Variants in SPART observed in about 807,000 individuals in gnomAD.
The protein encoded by SPART is spartin, also known as spastic paraplegia 20 (Troyer syndrome).
In SPART, 35 loss-of-function variants were observed where a neutral mutation model predicts 58.7. That is an observed-to-expected ratio of 0.60 (90% CI 0.46 to 0.79). The LOEUF (loss-of-function observed/expected upper bound fraction) is 0.79. SPART is among the 30% of genes least tolerant of loss of function. The pLI is 0.00. For synonymous variants in SPART, 284 were observed against 280.7 expected, an observed-to-expected ratio of 1.01 and a Z score of -0.12; for missense variants, 730 against 786.1, an observed-to-expected ratio of 0.93 and a Z score of 0.85.
At chr13:36,325,556 A>T (rs1882849191) in intron 5 of SPART, among the ~76,000 whole-genome samples, 1 of 152,212 alleles carries the variant, frequency 6.6e-6, no homozygotes, top group African/African-American at 2.4e-5. Context: ...TGGGGTTATG[A>T]ATTTGACACA....
chr13:36,367,694 G>A lies in SPART; in HGVS notation c.-3+2395C>T, dbSNP rs1214329160. Among the ~76,000 whole-genome samples, 6 of 152,196 alleles carry A rather than the reference G, an allele frequency of 3.9e-5. 1 individual carries two copies. The highest frequency in any genetic ancestry group is 7.2e-5 in the African/African-American group (3 of 41,460). On this transcript the variant is annotated intron_variant, in intron 1 of 8. Coordinates refer to the SPART transcript ENST00000355182. ...ACAGAAGATCTGAAGTAAACAGGGA[G>A]GTAGATGGCAGTGTATTCCCGGTCT...
Position 36,335,765 on chromosome 13 carries a change from C to G in SPART, c.66G>C (p.Lys22Asn). The G allele has an allele frequency of 1.2e-6, 2 of 1,613,928 alleles. No homozygotes were observed. Among genetic ancestry groups the G allele is most frequent in the Non-Finnish European group, 1.7e-6 (2 of 1,180,008 alleles). Residue 22 changes from lysine (K) to asparagine (N), a missense_variant, in exon 2 of 9, where the codon AAG (lysine) becomes AAC (asparagine). By Grantham distance (94) the Lys-to-Asn change is moderately conservative (BLOSUM62 0). Coordinates refer to ENST00000438666, the MANE Select transcript of SPART (RefSeq NM_015087.5). ...GACCTTTGTTAACAAATAAAAAGGC[C>G]TTCTTATATGCTTCTCTGATGATCT... Reference protein sequence around the residue: ...EIKIIREAYKKAFLFVNKGLN... With the variant: ...EIKIIREAYKNAFLFVNKGLN...
intron 1 of SPART, among the ~76,000 whole-genome samples, chr13:36,345,032 A>C (rs1448106972): frequency 6.6e-6 from 1 of 152,246 alleles, no homozygotes; most frequent in Non-Finnish European, 1.5e-5. Context: ...GATTCCATAA[A>C]CACTGAAAGA....
At chr13:36,323,057 G>C (rs1882574862) in intron 5 of SPART, among the ~76,000 whole-genome samples, 1 of 152,138 alleles carries the variant, frequency 6.6e-6, no homozygotes, top group Non-Finnish European at 1.5e-5. Context: ...AAATCTTAGG[G>C]AGGCATCATA....
At position 36,304,719 on chromosome 13, in the gene SPART, TACTGTGTTACCCCTGAA is replaced by T; in HGVS notation, c.1734-104_1734-88del. On this transcript the variant is annotated intron_variant, in intron 8 of 8. Transcript: ENST00000438666. ...ATTAGTATTAAATAAGTCAAATGAT[TACTGTGTTACCCCTGAA>T]AGCAAAATTAAAGCTTAGGTTTCAA... 2.1e-6 allele frequency: 3 copies of T among 1,411,494 alleles called. No individual in the cohort carries two copies. In the South Asian group the frequency reaches 3.9e-5, roughly 18 times the overall value. 87.4% of individuals were successfully genotyped at this position (1,411,494 alleles called of 1,614,324 possible).
At chr13:36,338,973 ACT>A (rs1209073967) in intron 1 of SPART, among the ~76,000 whole-genome samples, 5 of 152,184 alleles carry the variant, frequency 3.3e-5, no homozygotes, top group African/African-American at 1.2e-4. Flanking sequence ...ACACGCACAC[ACT>A]CACACACAGA....
At chr13:36,321,215 T>C (rs552260312) in intron 5 of SPART, among the ~76,000 whole-genome samples, 1 of 152,152 alleles carries the variant, frequency 6.6e-6, no homozygotes, top group Non-Finnish European at 1.5e-5. Context: ...CTATTCACCG[T>C]TCTCAACTAC....
chr13:36,303,772 TAACA>T lies in SPART; in HGVS notation c.*589_*592del, dbSNP rs1880221089. 1 of 153,446 alleles carries T rather than the reference TAACA, an allele frequency of 6.5e-6. No homozygotes were observed. Among genetic ancestry groups the T allele is most frequent in the African/African-American group, 2.4e-5 (1 of 41,462 alleles). 9.5% of individuals were successfully genotyped at this position (153,446 alleles called of 1,614,324 possible). A position where few individuals can be genotyped will look rare whatever the true frequency, so the allele number is the denominator to read the frequency against. ...AAATCAAAGAGACCATTCCATTTCC[TAACA>T]AACAGGTAAGTTACAAAAGTAGTCC... On this transcript the variant is annotated 3_prime_UTR_variant, in exon 9 of 9. Coordinates refer to ENST00000438666, the MANE Select transcript of SPART (RefSeq NM_015087.5).
intron 1 of SPART, 119 bp from the exon 2 acceptor site, chr13:36,335,951 C>G: frequency 1.3e-6 from 1 of 792,650 alleles, no homozygotes; most frequent in Admixed American, 2.0e-5. Flanking sequence ...GTTTTGTTCA[C>G]TATTATACTA....
intron 5 of SPART, among the ~76,000 whole-genome samples, chr13:36,316,915 G>C (rs574055003): frequency 3.3e-5 from 5 of 152,058 alleles, no homozygotes; most frequent in African/African-American, 1.2e-4. Flanking sequence ...TTTCAAATCC[G>C]GTAAGCGGCC....
At chr13:36,368,114 C>A in intron 1 of SPART, 1 of 425,664 alleles carries the variant, frequency 2.3e-6, no homozygotes, top group African/African-American at 2.1e-5. Context: ...TATCACTTTT[C>A]TTTCAAGGAA....
intron 5 of SPART, among the ~76,000 whole-genome samples, chr13:36,321,221 A>C (rs1011849594): frequency 2.6e-5 from 4 of 152,268 alleles, no homozygotes; most frequent in African/African-American, 9.6e-5. Flanking sequence ...ACCGTTCTCA[A>C]CTACTCATAC....
At chr13:36,321,536 C>A (rs969336591) in intron 5 of SPART, among the ~76,000 whole-genome samples, 6 of 151,932 alleles carry the variant, frequency 3.9e-5, no homozygotes, top group Admixed American at 1.3e-4. Context: ...TTCTAACAAC[C>A]CCACAATATC....
chr13:36,368,573 A>G (rs1466390199), intron 1 of SPART, among the ~76,000 whole-genome samples: 1 of 152,234 alleles, frequency 6.6e-6, no homozygotes, highest in Non-Finnish European at 1.5e-5. Flanking sequence ...TATATGTAAT[A>G]ATTCAATATT....
At chr13:36,365,754 C>A (rs1239293994) in intron 1 of SPART, 2 of 340,634 alleles carry the variant, frequency 5.9e-6, no homozygotes, top group Admixed American at 4.2e-5. Context: ...ACAACGTCTG[C>A]AATGGAACAG....
intron 1 of SPART, among the ~76,000 whole-genome samples, chr13:36,363,281 G>A (rs1354994473): frequency 1.3e-5 from 2 of 152,170 alleles, no homozygotes; most frequent in African/African-American, 2.4e-5. Context: ...TTTTCTAGGA[G>A]AGTATGGGAA....
chr13:36,326,412 A>C, intron 5 of SPART, 163 bp downstream of exon 5: 1 of 758,752 alleles, frequency 1.3e-6, no homozygotes, highest in Non-Finnish European at 2.1e-6. Flanking sequence ...ACAATATCTG[A>C]TGTTTCAAAA....
chr13:36,322,401 A>G (rs972187100), intron 5 of SPART, among the ~76,000 whole-genome samples: 1 of 152,116 alleles, frequency 6.6e-6, no homozygotes, highest in Non-Finnish European at 1.5e-5. Flanking sequence ...GAGCTGAGAT[A>G]GCGTCACTGC....
At chr13:36,326,848 A>G (rs531585238) in intron 4 of SPART, 150 bp from the exon 5 acceptor site, 28 of 822,052 alleles carry the variant, frequency 3.4e-5, no homozygotes, top group Non-Finnish European at 5.2e-5. Context: ...ATGGTCTTAT[A>G]AAGTACAATA....
Sources: allele counts gnomAD v4.1 joint callset (sites outside exome capture counted in the v4.1 genomes callset), GRCh38; gene constraint gnomAD v4.1.1; transcripts MANE v1.5; gene names NCBI Gene and HGNC (gene_info 2026-07-23, HGNC 2026-07-21).